AOPEP: variants seen among roughly 807,000 people sequenced by gnomAD.
The protein encoded by AOPEP is aminopeptidase O.
In AOPEP, 77 loss-of-function variants were observed where a neutral mutation model predicts 98.1. The ratio of observed to expected loss-of-function variants is 0.78; its 90% CI spans 0.65 to 0.95. AOPEP has a LOEUF of 0.95. Among genes scored for constraint, AOPEP ranks in the 40% least tolerant of loss-of-function variants. The probability of loss-of-function intolerance (pLI) is 0.00; values close to 1 mark genes in which losing one functional copy is unlikely to be tolerated. For synonymous variants in AOPEP, 346 were observed against 365.3 expected (o/e 0.95, Z 0.60); for missense variants, 1,024 against 1,024.7 (o/e 1.00, Z 0.01).
At chr9:94,849,967 G>C (rs2043342884) in intron 5 of AOPEP, among the ~76,000 whole-genome samples, 1 of 151,514 alleles carries the variant, frequency 6.6e-6, no homozygotes, top group African/African-American at 2.4e-5. Context: ...CCCGGGAGAT[G>C]GAGGTTACAG....
chr9:94,992,280 G>C (rs1307618014), intron 11 of AOPEP, among the ~76,000 whole-genome samples: 1 of 152,168 alleles, frequency 6.6e-6, no homozygotes, highest in African/African-American at 2.4e-5. Flanking sequence ...ACTTTTCACT[G>C]GTGCTTGGTA....
chr9:94,846,862 G>T (rs1161501286), intron 5 of AOPEP, among the ~76,000 whole-genome samples: 2 of 152,204 alleles, frequency 1.3e-5, no homozygotes, highest in Non-Finnish European at 2.9e-5. Context: ...GTGAGCCAGG[G>T]ATGGCGCCAC....
the AOPEP span, among the ~76,000 whole-genome samples, chr9:95,129,510 G>A: frequency 7.2e-5 from 11 of 152,180 alleles, no homozygotes; most frequent in Non-Finnish European, 1.0e-4. Flanking sequence ...GGGGCACTCC[G>A]GTAACACACC....
At chr9:95,076,802 AAGC>A (rs2069122038) in intron 14 of AOPEP, among the ~76,000 whole-genome samples, 1 of 152,184 alleles carries the variant, frequency 6.6e-6, no homozygotes, top group Non-Finnish European at 1.5e-5. Context: ...GGATTCTAAA[AAGC>A]TGAGAAATAG....
chr9:94,838,944 A>C (rs2041951330), intron 5 of AOPEP, among the ~76,000 whole-genome samples: 1 of 115,374 alleles, frequency 8.7e-6, no homozygotes, highest in African/African-American at 3.4e-5. Flanking sequence ...ATGGAATCTC[A>C]CTCTGTGCCA....
At position 94,930,001 on chromosome 9, in the gene AOPEP, G is replaced by A. The variant is rs768860684; in HGVS notation, c.1661+1470G>A. ...GAGGCAGGCAGGAGCCAGGTCACACGAGTCTTTCCCCAAGTTCTTCAGAAG... is the reference window on the plus strand; with the variant it reads ...GAGGCAGGCAGGAGCCAGGTCACACAAGTCTTTCCCCAAGTTCTTCAGAAG... On this transcript the variant is annotated intron_variant, in intron 7 of 16. Transcript: ENST00000375315. This position sits in a 1 kb window ranked among gnomAD's most constrained non-coding sequence, Gnocchi z 4.5. 6.6e-6 allele frequency among the ~76,000 whole-genome samples: 1 copy of A among 152,172 alleles called. No individual in the cohort carries two copies. The highest frequency in any genetic ancestry group is 2.4e-5 in the African/African-American group (1 of 41,438).
chr9:95,058,014 A>G lies in AOPEP; in HGVS notation c.2116-2680A>G, dbSNP rs564485574. On this transcript the variant is annotated intron_variant, in intron 13 of 16. Transcript: ENST00000375315. ...TCCATCTCGCGGTCTTAAGTCAGGG[A>G]GTTTAGCTTTAAATATTTTCATTGT... 5.9e-5 allele frequency among the ~76,000 whole-genome samples: 9 copies of G among 152,254 alleles called. No individual in the cohort carries two copies. In the East Asian group the frequency reaches 1.7e-3, roughly 29 times the overall value.
chr9:94,846,073 C>T (rs1429346129), intron 5 of AOPEP, among the ~76,000 whole-genome samples: 6 of 146,442 alleles, frequency 4.1e-5, no homozygotes, highest in African/African-American at 7.6e-5. Flanking sequence ...CCAGCCTGGG[C>T]GATGAGAGCG....
At chr9:94,860,875 C>A (rs1425891589) in intron 5 of AOPEP, among the ~76,000 whole-genome samples, 1 of 152,188 alleles carries the variant, frequency 6.6e-6, no homozygotes, top group Middle Eastern at 3.2e-3. Context: ...CTGTCCATTT[C>A]AAAGTCATAA....
chr9:94,866,776 A>G (rs974783577), intron 5 of AOPEP, among the ~76,000 whole-genome samples: 2 of 152,254 alleles, frequency 1.3e-5, no homozygotes, highest in African/African-American at 4.8e-5. Context: ...TTGGTTGATT[A>G]AAAATACAGC....
intron 5 of AOPEP, among the ~76,000 whole-genome samples, chr9:94,807,035 A>C (rs970116039): frequency 2.0e-5 from 3 of 152,164 alleles, no homozygotes. Context: ...GGGTCTCCAC[A>C]CAGAAACCAT....
chr9:94,755,413 G>A lies in AOPEP; in HGVS notation c.-135-4236G>A, dbSNP rs145882876. Among the ~76,000 whole-genome samples the A allele has an allele frequency of 3.1e-3, 468 of 152,316 alleles. 6 individuals are homozygous for A. Among genetic ancestry groups the A allele is most frequent in the African/African-American group, 0.011 (440 of 41,572 alleles). ...CCTGATTGATGTCAGTGAGCGTTAC[G>A]TACTTGCAGAGAGAAAGATGATTTA... is the stretch of plus-strand genomic sequence containing the variant. On this transcript the variant is annotated intron_variant, in intron 1 of 16. Coordinates refer to ENST00000375315, the MANE Select transcript of AOPEP (RefSeq NM_001193329.3).
In AOPEP at chr9:95,080,724, A is replaced by C; in HGVS notation, c.2263A>C (p.Lys755Gln). The change falls in exon 15 of 17, where the codon AAG becomes CAG. Residue 755 changes from lysine (K) to glutamine (Q), a missense_variant. By Grantham distance (53) the Lys-to-Gln change is moderately conservative. Around this residue, in one of 3 missense-constraint regions of AOPEP, gnomAD observed 566 missense variants for 551.7 expected, o/e 1.03. Coordinates refer to ENST00000375315, the MANE Select transcript of AOPEP (RefSeq NM_001193329.3). ...CCATCGGTGGTGTGAACTCATTGTT[A>C]AGCACAAGTTCACGAAAGCCTACAA... ...VRHRWCELIV[K>Q]HKFTKAYKSV... 6.2e-7 allele frequency: 1 copy of C among 1,613,948 alleles called. No homozygotes were observed. Among genetic ancestry groups the C allele is most frequent in the South Asian group, 1.1e-5 (1 of 91,076 alleles).
At chr9:94,833,235 CTTTTTTTT>C (rs34212567) in intron 5 of AOPEP, among the ~76,000 whole-genome samples, 18 of 70,324 alleles carry the variant, frequency 2.6e-4, no homozygotes, top group Non-Finnish European at 3.5e-4. Flanking sequence ...CACACCCGTC[CTTTTTTTT>C]TTTTTTTTTT....
At chr9:94,882,412 GT>G (rs1254583348) in intron 5 of AOPEP, among the ~76,000 whole-genome samples, 1 of 152,190 alleles carries the variant, frequency 6.6e-6, no homozygotes, top group Admixed American at 6.5e-5. Context: ...ACATCTCATT[GT>G]TTTGTGGGGT....
At position 95,086,928 on chromosome 9, in the gene AOPEP, G is replaced by T. The variant is rs2070761097; in HGVS notation, c.*251G>T. 5.1e-6 allele frequency: 5 copies of T among 987,810 alleles called. No homozygotes were observed. The South Asian group carries it at 1.9e-4, about 37-fold the overall frequency. 61.2% of individuals were successfully genotyped at this position (987,810 alleles called of 1,614,324 possible). On this transcript the variant is annotated 3_prime_UTR_variant, in exon 17 of 17. Transcript: ENST00000375315. The stretch of plus-strand genomic sequence containing the variant: ...CCTGCCCTGGATCTGGAGTGGAGCT[G>T]CTCTGAGATTTTGAGTTCTTCTGCA...
At chr9:95,098,278 C>A in the AOPEP span, among the ~76,000 whole-genome samples, 1 of 152,176 alleles carries the variant, frequency 6.6e-6, no homozygotes, top group Non-Finnish European at 1.5e-5. Context: ...AGACCCCATT[C>A]GTAACTTCTC....
intron 14 of AOPEP, among the ~76,000 whole-genome samples, chr9:95,066,445 A>G (rs1449191924): frequency 6.6e-6 from 1 of 152,244 alleles, no homozygotes; most frequent in Non-Finnish European, 1.5e-5. Context: ...ATGAAAGTAA[A>G]GAAGAAGCAA....
At chr9:94,918,161 C>T (rs529342417) in intron 5 of AOPEP, among the ~76,000 whole-genome samples, 1 of 152,158 alleles carries the variant, frequency 6.6e-6, no homozygotes, top group Non-Finnish European at 1.5e-5. Flanking sequence ...GACCTAAGTA[C>T]CTTTGTAAGG....
Sources: gnomAD v4.1 joint callset for allele counts (sites outside exome capture counted in the v4.1 genomes callset) on GRCh38, gnomAD v4.1.1 for gene constraint, gnomAD v4.1.1 regional missense constraint, Gnocchi (gnomAD v3.1) non-coding constraint, MANE v1.5 for transcripts, NCBI Gene and HGNC (gene_info 2026-07-23, HGNC 2026-07-21) for gene names.